CHST15: variants seen among roughly 807,000 people sequenced by gnomAD.
CHST15 encodes the protein B cell RAG associated protein (GALNAC4S-6ST).
In CHST15, 30 loss-of-function variants were observed where a neutral mutation model predicts 53.6. That is an observed-to-expected ratio of 0.56 (90% CI 0.42 to 0.76). The LOEUF is 0.76. CHST15 is among the 30% of genes least tolerant of loss of function. CHST15 has a pLI of 0.00. For synonymous variants in CHST15, 296 were observed against 289.8 expected (o/e 1.02, Z -0.22); for missense variants, 627 against 740.5 (o/e 0.85, Z 1.78).
chr10:124,031,988 C>T (rs1947243863), intron 5 of CHST15, among the ~76,000 whole-genome samples: 1 of 152,206 alleles, frequency 6.6e-6, no homozygotes, highest in South Asian at 2.1e-4. Context: ...ACTCTGCAGA[C>T]AGAGTGAAAC....
At chr10:124,020,423 G>C in intron 6 of CHST15, 2 of 985,502 alleles carry the variant, frequency 2.0e-6, no homozygotes, top group Non-Finnish European at 2.4e-6. Context: ...AGTCCAACAG[G>C]GCAGCCTGGA....
chr10:124,011,710 G>C, intron 7 of CHST15: 2 of 985,366 alleles, frequency 2.0e-6, no homozygotes, highest in Non-Finnish European at 1.2e-6. Context: ...CAGGCCCCTG[G>C]GGGGGCTGGT....
At chr10:124,078,566 T>C (rs28477133) in intron 1 of CHST15, among the ~76,000 whole-genome samples, 6,096 of 152,286 alleles carry the variant, frequency 0.04, 358 homozygotes, top group East Asian at 0.21. Context: ...GTCACCTCTG[T>C]GCACCCATCA....
At chr10:124,068,504 T>C (rs1948817280) in intron 1 of CHST15, among the ~76,000 whole-genome samples, 1 of 152,222 alleles carries the variant, frequency 6.6e-6, no homozygotes, top group African/African-American at 2.4e-5. Context: ...TTTTAGCTGA[T>C]GGGCCGGGTA....
intron 1 of CHST15, among the ~76,000 whole-genome samples, chr10:124,076,912 T>C (rs1949092419): frequency 1.3e-5 from 2 of 152,028 alleles, no homozygotes; most frequent in African/African-American, 4.8e-5. Flanking sequence ...GGTTTCACCG[T>C]GTTAGCCAGG....
chr10:124,025,503 A>G (rs1439921507), intron 5 of CHST15, among the ~76,000 whole-genome samples: 1 of 152,160 alleles, frequency 6.6e-6, no homozygotes, highest in African/African-American at 2.4e-5. Flanking sequence ...GCGAGAAACT[A>G]TGCTGGGTCC....
At chr10:124,039,373 A>G (rs1334550618) in intron 4 of CHST15, among the ~76,000 whole-genome samples, 1 of 152,218 alleles carries the variant, frequency 6.6e-6, no homozygotes, top group Non-Finnish European at 1.5e-5. Flanking sequence ...TTCCTTCCAA[A>G]GCGTCAGGAG....
chr10:124,016,907 T>C (rs6588757), intron 6 of CHST15, among the ~76,000 whole-genome samples: 100,765 of 151,978 alleles, frequency 0.66, 33,972 homozygotes, highest in East Asian at 0.92. Flanking sequence ...ATCACGATGG[T>C]GCCCATGAAC....
intron 4 of CHST15, among the ~76,000 whole-genome samples, chr10:124,039,708 A>G (rs1947663769): frequency 6.6e-6 from 1 of 152,070 alleles, no homozygotes; most frequent in Admixed American, 6.5e-5. Flanking sequence ...AACAGCACAG[A>G]CTCTCTCAGA....
chr10:124,067,038 T>C (rs1015910115), intron 1 of CHST15, among the ~76,000 whole-genome samples: 20 of 152,372 alleles, frequency 1.3e-4, no homozygotes, highest in South Asian at 4.1e-4. Context: ...CACTTAGCAC[T>C]GTGCCGGGCA....
At chr10:124,054,068 C>G (rs1237660850) in intron 1 of CHST15, among the ~76,000 whole-genome samples, 1 of 152,196 alleles carries the variant, frequency 6.6e-6, no homozygotes, top group Non-Finnish European at 1.5e-5. Context: ...TAGTTATCCA[C>G]TGCCCCACAC....
intron 1 of CHST15, among the ~76,000 whole-genome samples, chr10:124,077,189 G>A (rs1949103725): frequency 3.3e-5 from 5 of 152,196 alleles, no homozygotes; most frequent in Admixed American, 2.6e-4. Flanking sequence ...TTAGAGAACG[G>A]CATTCCACCT....
At chr10:124,011,142 C>T (rs1292664660) in intron 7 of CHST15, 4 of 918,362 alleles carry the variant, frequency 4.4e-6, no homozygotes, top group Non-Finnish European at 5.2e-6. Context: ...GCAAGGGCTG[C>T]GACCCCAACG....
chr10:124,007,881 T>C lies in CHST15; in HGVS notation c.*2268A>G. The C allele has an allele frequency of 8.1e-7, 1 of 1,232,134 alleles. No homozygotes were observed. The allele number at this position is 1,232,134 out of a possible 1,614,324, so 76.3% of individuals were successfully genotyped here. Reference sequence around the variant, plus strand: ...AGAAATGCTCCAATTTGCTTTGGTTTTGAATGGCAGGCTCGAGAACCACCG... The same window carrying C: ...AGAAATGCTCCAATTTGCTTTGGTTCTGAATGGCAGGCTCGAGAACCACCG... On this transcript the variant is annotated 3_prime_UTR_variant, in exon 8 of 8. Coordinates refer to ENST00000435907, the MANE Select transcript of CHST15 (RefSeq NM_001270764.2).
chr10:124,020,184 C>T, intron 6 of CHST15: 3 of 985,590 alleles, frequency 3.0e-6, no homozygotes, highest in Non-Finnish European at 3.6e-6. Flanking sequence ...GCAAGACAGA[C>T]CCATCACAAC....
At chr10:124,070,692 A>G (rs1428662039) in intron 1 of CHST15, among the ~76,000 whole-genome samples, 3 of 152,168 alleles carry the variant, frequency 2.0e-5, no homozygotes, top group Non-Finnish European at 4.4e-5. Flanking sequence ...AAGATTATTA[A>G]AGCCCTACTC....
chr10:124,049,475 C>T (rs1388596741), intron 1 of CHST15, among the ~76,000 whole-genome samples: 2 of 152,188 alleles, frequency 1.3e-5, no homozygotes, highest in African/African-American at 2.4e-5. Context: ...CCCCAAACTC[C>T]GGGTAGGGAA....
Position 124,074,649 on chromosome 10 carries a change from G to A in CHST15, c.-513+18820C>T, listed in dbSNP as rs182753254. Among the ~76,000 whole-genome samples the A allele has an allele frequency of 3.6e-4, 55 of 152,194 alleles. No homozygotes were observed. The highest frequency in any genetic ancestry group is 6.8e-4 in the Non-Finnish European group (46 of 68,028). On this transcript the variant is annotated intron_variant, in intron 1 of 7. Transcript: ENST00000435907. This position sits in a 1 kb window ranked among gnomAD's most constrained non-coding sequence, Gnocchi z 4.4. ...GACCTGGAGCTCTCCAATGCACCCC[G>A]CGCCTCTGCCAGACTGGGCTCACGG...
rs1465456448 is a variant in CHST15, at chr10:124,036,521, GAGC to G, written c.1190+1991_1190+1993del. ...CCTCTCCCTGACCAGGTCATACTCA[GAGC>G]AGCGGGAGCCATGCAGACTCCACAA... On this transcript the variant is annotated intron_variant, in intron 5 of 7. Coordinates refer to ENST00000435907, the MANE Select transcript of CHST15 (RefSeq NM_001270764.2). The surrounding 1 kb of genome is among the most constrained non-coding windows in gnomAD (Gnocchi z 5.1). 1.3e-5 allele frequency among the ~76,000 whole-genome samples: 2 copies of G among 152,090 alleles called. No individual in the cohort carries two copies. The highest frequency in any genetic ancestry group is 1.3e-4 in the Admixed American group (2 of 15,274).
Sources: gnomAD v4.1 joint callset for allele counts (sites outside exome capture counted in the v4.1 genomes callset) on GRCh38, gnomAD v4.1.1 for gene constraint, Gnocchi (gnomAD v3.1) non-coding constraint, MANE v1.5 for transcripts, NCBI Gene and HGNC (gene_info 2026-07-23, HGNC 2026-07-21) for gene names.